SGCZ: variants seen among roughly 807,000 people sequenced by gnomAD.
SGCZ encodes sarcoglycan zeta.
Under a neutral mutation model 41.3 loss-of-function variants are expected in SGCZ, and 40 were observed. The observed-to-expected ratio is 0.97, with a 90% CI of 0.75 to 1.26. SGCZ has a LOEUF of 1.26. SGCZ is among the 50% of genes most tolerant of loss of function. The pLI is 0.00. For missense variants in SGCZ, 552 were observed against 369.8 expected (o/e 1.49, Z -4.04); for synonymous variants, 206 against 137.5 (o/e 1.50, Z -3.49).
At chr8:14,710,195 C>G (rs148986642) in intron 1 of SGCZ, among the ~76,000 whole-genome samples, 1,457 of 141,934 alleles carry the variant, frequency 0.01, 17 homozygotes, top group Non-Finnish European at 0.015. Context: ...GAAACCCCGT[C>G]TCTACTAAAA....
At chr8:14,562,863 G>C (rs1468129692) in intron 1 of SGCZ, among the ~76,000 whole-genome samples, 1 of 152,128 alleles carries the variant, frequency 6.6e-6, no homozygotes, top group African/African-American at 2.4e-5. Context: ...AAGTGACGAA[G>C]CTGGGATCGA....
intron 5 of SGCZ, among the ~76,000 whole-genome samples, chr8:14,163,471 CA>C (rs1166154123): frequency 6.6e-6 from 1 of 152,108 alleles, no homozygotes; most frequent in African/African-American, 2.4e-5. Flanking sequence ...TTGAAATCAA[CA>C]CAGGCCCTCC....
At chr8:14,827,429 G>A (rs1031259616) in intron 1 of SGCZ, among the ~76,000 whole-genome samples, 1 of 151,860 alleles carries the variant, frequency 6.6e-6, no homozygotes, top group South Asian at 2.1e-4. Context: ...TAGAGACAGG[G>A]TTTCTTCATG....
Position 14,543,406 on chromosome 8 carries a change from G to A in SGCZ, c.234+11326C>T, listed in dbSNP as rs555217470. ...CTGCTGAGTTCTTAAAACACAGTTT[G>A]CCCTTCACTAAAATCATTATTACAT... On this transcript the variant is annotated intron_variant, in intron 2 of 7. Transcript: ENST00000382080. Among the ~76,000 whole-genome samples, 230 of 150,058 alleles carry A rather than the reference G, an allele frequency of 1.5e-3. 1 individual carries two copies. The highest frequency in any genetic ancestry group is 5.3e-3 in the African/African-American group (218 of 41,398).
intron 1 of SGCZ, among the ~76,000 whole-genome samples, chr8:15,142,700 C>T (rs1175705112): frequency 6.6e-6 from 1 of 151,510 alleles, no homozygotes; most frequent in Non-Finnish European, 1.5e-5. Flanking sequence ...TAACCTCCGC[C>T]TCCTGGGCTC....
intron 1 of SGCZ, among the ~76,000 whole-genome samples, chr8:15,165,754 T>G (rs1249431587): frequency 2.0e-5 from 3 of 152,202 alleles, no homozygotes; most frequent in Non-Finnish European, 4.4e-5. Flanking sequence ...TAAAGTATTT[T>G]GAGTTAGGAA....
chr8:14,115,329 ATTCAAT>A (rs1802490532), intron 5 of SGCZ, among the ~76,000 whole-genome samples: 2 of 152,020 alleles, frequency 1.3e-5, no homozygotes, highest in African/African-American at 4.8e-5. Flanking sequence ...GCAATATTTG[ATTCAAT>A]TTACAGCTTC....
intron 2 of SGCZ, among the ~76,000 whole-genome samples, chr8:14,364,247 C>A (rs1459525424): frequency 6.6e-6 from 1 of 152,082 alleles, no homozygotes; most frequent in Non-Finnish European, 1.5e-5. Flanking sequence ...TGTGAAAAAT[C>A]TCTACCTTAT....
chr8:14,361,048 C>T (rs114829769), intron 2 of SGCZ, among the ~76,000 whole-genome samples: 1,598 of 152,298 alleles, frequency 0.01, 34 homozygotes, highest in African/African-American at 0.037. Flanking sequence ...TGATGTCGAA[C>T]ATCTTTCCAT....
rs757569143 is a variant in SGCZ at position 14,846,701 on chromosome 8, TCCAAAAAAAA to T, written c.40-291785_40-291776del. ...GAATTTGTAGCTAAAACCCTTTAAA[TCCAAAAAAAA>T]AAAAAAAAAAAAAAAAAGTCAGACC... On this transcript the variant is annotated intron_variant, in intron 1 of 7. Coordinates refer to ENST00000382080, the MANE Select transcript of SGCZ (RefSeq NM_139167.4). Among the ~76,000 whole-genome samples, 136 of 102,028 alleles carry T rather than the reference TCCAAAAAAAA, an allele frequency of 1.3e-3. 1 individual carries two copies. Among genetic ancestry groups the T allele is most frequent in the East Asian group, 3.2e-3 (13 of 4,060 alleles). 66.9% of individuals were successfully genotyped at this position (102,028 alleles called of 152,430 possible).
intron 1 of SGCZ, among the ~76,000 whole-genome samples, chr8:14,958,765 T>C (rs1408598857): frequency 1.3e-5 from 2 of 152,100 alleles, no homozygotes; most frequent in Non-Finnish European, 2.9e-5. Context: ...TGATGTTGCA[T>C]GCTTAAATAT....
chr8:14,485,943 G>A (rs1460263653), intron 2 of SGCZ, among the ~76,000 whole-genome samples: 2 of 149,106 alleles, frequency 1.3e-5, no homozygotes, highest in African/African-American at 2.4e-5. Context: ...CCGGGTTCGC[G>A]CCATTCTCCT....
intron 1 of SGCZ, among the ~76,000 whole-genome samples, chr8:15,045,561 T>G (rs542733887): frequency 2.0e-4 from 30 of 152,230 alleles, no homozygotes; most frequent in Non-Finnish European, 4.3e-4. Flanking sequence ...AGTGATAAAG[T>G]AGTTCCAAGA....
At chr8:14,274,539 G>T (rs1800166677) in intron 3 of SGCZ, among the ~76,000 whole-genome samples, 1 of 152,106 alleles carries the variant, frequency 6.6e-6, no homozygotes, top group East Asian at 1.9e-4. Context: ...TTTTTCTAGT[G>T]CTATAAGGAT....
chr8:14,678,913 T>G (rs571337823), intron 1 of SGCZ, among the ~76,000 whole-genome samples: 1 of 152,254 alleles, frequency 6.6e-6, no homozygotes, highest in South Asian at 2.1e-4. Flanking sequence ...TATTACTAAA[T>G]GACAGAAGCT....
intron 2 of SGCZ, among the ~76,000 whole-genome samples, chr8:14,327,724 C>G (rs1041945166): frequency 1.3e-5 from 2 of 152,124 alleles, no homozygotes; most frequent in African/African-American, 2.4e-5. Context: ...TTCAGATATA[C>G]CATCACATTT....
intron 1 of SGCZ, among the ~76,000 whole-genome samples, chr8:14,796,837 C>T (rs1187104415): frequency 6.6e-6 from 1 of 152,142 alleles, no homozygotes; most frequent in East Asian, 1.9e-4. Context: ...GCCCATGCTA[C>T]TCTCAAGAGG....
intron 1 of SGCZ, among the ~76,000 whole-genome samples, chr8:14,675,366 A>G (rs1456148343): frequency 6.6e-6 from 1 of 151,996 alleles, no homozygotes; most frequent in East Asian, 1.9e-4. Context: ...TAGAATGTAC[A>G]ACATATATTT....
chr8:14,297,435 A>G (rs898800853), intron 3 of SGCZ, among the ~76,000 whole-genome samples: 1 of 151,988 alleles, frequency 6.6e-6, no homozygotes, highest in Non-Finnish European at 1.5e-5. Context: ...AGACATAATT[A>G]AAAAAAGGGA....
Sources: allele counts gnomAD v4.1 joint callset (sites outside exome capture counted in the v4.1 genomes callset), GRCh38; gene constraint gnomAD v4.1.1; transcripts MANE v1.5; gene names NCBI Gene and HGNC (gene_info 2026-07-23, HGNC 2026-07-21).